GMDS: variants seen among roughly 807,000 people sequenced by gnomAD.
GMDS encodes GDP-mannose 4,6-dehydratase.
In GMDS, 20 loss-of-function variants were observed where a neutral mutation model predicts 49.9. The observed-to-expected ratio is 0.40, with a 90% CI of 0.28 to 0.58. The LOEUF is 0.58. Ranked by LOEUF, GMDS falls within the 20% of genes least tolerant of loss-of-function variation. The probability of loss-of-function intolerance (pLI) is 0.42; values close to 1 mark genes in which losing one functional copy is unlikely to be tolerated. For missense variants in GMDS, 362 were observed against 481.4 expected, an observed-to-expected ratio of 0.75 and a Z score of 2.32; for synonymous variants, 177 against 178.6, an observed-to-expected ratio of 0.99 and a Z score of 0.07.
At chr6:2,030,725 C>A (rs2127416220) in intron 4 of GMDS, among the ~76,000 whole-genome samples, 1 of 152,256 alleles carries the variant, frequency 6.6e-6, no homozygotes, top group Middle Eastern at 3.4e-3. Flanking sequence ...TATGCATTGG[C>A]TCCAAACAAG....
chr6:1,737,995 AC>A (rs386696092), intron 8 of GMDS, among the ~76,000 whole-genome samples: 15 of 144,298 alleles, frequency 1.0e-4, no homozygotes, highest in African/African-American at 3.9e-4. Context: ...CCACAAACAC[AC>A]CACACACACA....
chr6:1,667,645 T>C (rs1764276173), intron 9 of GMDS, among the ~76,000 whole-genome samples: 1 of 152,156 alleles, frequency 6.6e-6, no homozygotes, highest in Non-Finnish European at 1.5e-5. Flanking sequence ...GTGACAGTCC[T>C]GTCTGAAGAC....
chr6:1,644,822 C>T (rs543619681), intron 9 of GMDS, among the ~76,000 whole-genome samples: 27 of 152,142 alleles, frequency 1.8e-4, no homozygotes, highest in Non-Finnish European at 1.9e-4. Context: ...CAGGGCCTGG[C>T]CAGCACCTAC....
intron 1 of GMDS, among the ~76,000 whole-genome samples, chr6:2,131,731 G>C (rs1490253662): frequency 1.3e-5 from 2 of 151,924 alleles, no homozygotes; most frequent in African/African-American, 4.8e-5. Context: ...ATACAGCAAG[G>C]GTGAGTCCAC....
intron 3 of GMDS, 87 bp from the exon 4 acceptor site, chr6:2,115,967 G>A (rs1398148499): frequency 2.5e-6 from 2 of 796,660 alleles, no homozygotes; most frequent in Non-Finnish European, 4.4e-6. Context: ...TGCATATTTG[G>A]AAAGTCTGAA....
At chr6:2,038,564 T>C (rs1769446003) in intron 4 of GMDS, among the ~76,000 whole-genome samples, 1 of 144,214 alleles carries the variant, frequency 6.9e-6, no homozygotes, top group South Asian at 2.3e-4. Context: ...GAAAAACAAA[T>C]ATATATTTTA....
chr6:1,725,629 C>T (rs1766556319), intron 9 of GMDS, among the ~76,000 whole-genome samples: 1 of 152,184 alleles, frequency 6.6e-6, no homozygotes, highest in Non-Finnish European at 1.5e-5. Context: ...GATGGGGTTT[C>T]ACATGTTGGT....
chr6:1,759,157 G>A (rs1374887792), intron 7 of GMDS, among the ~76,000 whole-genome samples: 4 of 152,198 alleles, frequency 2.6e-5, no homozygotes, highest in Non-Finnish European at 5.9e-5. Flanking sequence ...CCAGGAGAAT[G>A]TGTAGTTCAT....
intron 4 of GMDS, among the ~76,000 whole-genome samples, chr6:2,083,987 T>A (rs774093407): frequency 3.3e-5 from 5 of 152,208 alleles, no homozygotes; most frequent in African/African-American, 7.2e-5. Context: ...AGTCAAATTA[T>A]ATGTCTCAAG....
chr6:1,984,242 G>C (rs1765403454), intron 4 of GMDS, among the ~76,000 whole-genome samples: 1 of 152,084 alleles, frequency 6.6e-6, no homozygotes, highest in Non-Finnish European at 1.5e-5. Flanking sequence ...TGAGAGGAGG[G>C]AGAGCATCGG....
intron 7 of GMDS, among the ~76,000 whole-genome samples, chr6:1,875,553 A>T (rs1376429115): frequency 6.6e-6 from 1 of 152,206 alleles, no homozygotes; most frequent in Non-Finnish European, 1.5e-5. Context: ...TCAAAATCTT[A>T]AGAAATTGCC....
chr6:1,723,359 C>G (rs1766458277), intron 9 of GMDS, among the ~76,000 whole-genome samples: 1 of 127,348 alleles, frequency 7.9e-6, no homozygotes. Context: ...CGGAGTCTCG[C>G]TCTGTGGCCC....
rs187775698 is a variant in GMDS, at chr6:1,959,951, A to G, written c.559T>C (p.Tyr187His). ...TCACGGAAGTTCACCACAATCCAAT[A>G]GGCATAGAGTTTTGCTGCCCCTGTT... is the stretch of plus-strand genomic sequence containing the variant. ...SPYGAAKLYA[Y>H]WIVVNFREAY... The change falls in exon 6 of 11, where the codon TAT (tyrosine) becomes CAT (histidine). Residue 187 changes from tyrosine to histidine, a missense_variant. By Grantham distance (83) the Tyr-to-His change is moderately conservative (BLOSUM62 2). Coordinates refer to ENST00000380815, the MANE Select transcript of GMDS (RefSeq NM_001500.4). 4.4e-5 allele frequency: 70 copies of G among 1,604,180 alleles called. No homozygotes were observed.
intron 1 of GMDS, among the ~76,000 whole-genome samples, chr6:2,170,868 G>A (rs7761650): frequency 0.033 from 4,990 of 151,728 alleles, 291 homozygotes; most frequent in African/African-American, 0.11. Context: ...AGTGGCGGGC[G>A]CCTGTAGTCC....
intron 1 of GMDS, 81 bp from the exon 2 acceptor site, chr6:2,124,812 G>T: frequency 9.8e-7 from 1 of 1,022,694 alleles, no homozygotes; most frequent in Non-Finnish European, 1.5e-6. Context: ...TTTGAGAAAA[G>T]CATTTAAAAG....
intron 1 of GMDS, among the ~76,000 whole-genome samples, chr6:2,212,726 A>AAAAAG (rs1780125101): frequency 6.8e-6 from 1 of 147,872 alleles, no homozygotes; most frequent in Non-Finnish European, 1.5e-5. Flanking sequence ...AAAAAAAAAA[A>AAAAAG]AAACTAAATT....
Position 1,884,450 on chromosome 6 carries a change from A to G in GMDS, c.771+45653T>C, listed in dbSNP as rs566201901. On this transcript the variant is annotated intron_variant, in intron 7 of 10. Coordinates refer to ENST00000380815, the MANE Select transcript of GMDS (RefSeq NM_001500.4). ...CTTCACCAAAGTGGCATTTTTGCCAACAAGACTCTTGGCAGCCCTTAAGGG... is the reference window on the plus strand; with the variant it reads ...CTTCACCAAAGTGGCATTTTTGCCAGCAAGACTCTTGGCAGCCCTTAAGGG... 2.6e-3 allele frequency among the ~76,000 whole-genome samples: 397 copies of G among 152,352 alleles called. 3 individuals are homozygous for G. Among genetic ancestry groups the G allele is most frequent in the Non-Finnish European group, 3.5e-3 (241 of 68,038 alleles).
chr6:2,075,822 G>A (rs1051140423), intron 4 of GMDS, among the ~76,000 whole-genome samples: 4 of 152,278 alleles, frequency 2.6e-5, no homozygotes, highest in Admixed American at 1.3e-4. Flanking sequence ...GATCCCTGAG[G>A]GATCGCCACA....
At chr6:2,136,631 G>A (rs1220070757) in intron 1 of GMDS, among the ~76,000 whole-genome samples, 1 of 152,160 alleles carries the variant, frequency 6.6e-6, no homozygotes, top group Non-Finnish European at 1.5e-5. Flanking sequence ...GACACAGGAA[G>A]ATTGCTTGTA....
Sources: allele counts gnomAD v4.1 joint callset (sites outside exome capture counted in the v4.1 genomes callset), GRCh38; gene constraint gnomAD v4.1.1; transcripts MANE v1.5; gene names NCBI Gene and HGNC (gene_info 2026-07-23, HGNC 2026-07-21).